The following RASGEF1A variants were observed in gnomAD, a reference collection of about 807,000 sequenced individuals.
The protein encoded by RASGEF1A is ras-GEF domain-containing family member 1A.
In RASGEF1A, 18 loss-of-function variants were observed where a neutral mutation model predicts 56.4. The ratio of observed to expected loss-of-function variants is 0.32; its 90% CI spans 0.22 to 0.47. The LOEUF (loss-of-function observed/expected upper bound fraction) is 0.47, where lower values mean the gene tolerates loss of function less well. Among genes scored for constraint, RASGEF1A ranks in the 20% least tolerant of loss-of-function variants. The probability of loss-of-function intolerance (pLI) is 1.00; values close to 1 mark genes in which losing one functional copy is unlikely to be tolerated. For missense variants in RASGEF1A, 422 were observed against 627.1 expected, an observed-to-expected ratio of 0.67 and a Z score of 3.49; for synonymous variants, 245 against 242.6, an observed-to-expected ratio of 1.01 and a Z score of -0.09.
intron 7 of RASGEF1A, 25 bp from the exon 8 acceptor site, chr10:43,199,219 C>A: frequency 1.3e-6 from 2 of 1,561,486 alleles, no homozygotes; most frequent in Non-Finnish European, 1.7e-6. Flanking sequence ...GTGACCTCAG[C>A]ATGGCGCTGC....
chr10:43,206,862 G>T (rs2133190581), intron 1 of RASGEF1A: 4 of 985,956 alleles, frequency 4.1e-6, no homozygotes, highest in Non-Finnish European at 4.8e-6. Context: ...CTGGCTTTGG[G>T]GCCTGTGAGT....
chr10:43,201,860 T>G lies in RASGEF1A; in HGVS notation c.407A>C (p.Lys136Thr), dbSNP rs1164826990. 1.2e-6 allele frequency: 2 copies of G among 1,611,916 alleles called. No individual in the cohort carries two copies. The highest frequency in any genetic ancestry group is 1.3e-5 in the African/African-American group (1 of 75,016). The part of the protein sequence containing the change: ...EAFPYDFQDE[K>T]AMAELKAITH... ...GATGGCTTTCAGCTCGGCCATGGCC[T>G]TCTCATCCTGGAAGTCATAGGGGAA... The change falls in exon 4 of 13, where the codon AAG (lysine) becomes ACG (threonine). Residue 136 changes from lysine to threonine, a missense_variant. By Grantham distance (78) the Lys-to-Thr change is moderately conservative. Transcript: ENST00000395810.
At chr10:43,227,668 T>A (rs1279266075) in intron 1 of RASGEF1A, among the ~76,000 whole-genome samples, 1 of 152,054 alleles carries the variant, frequency 6.6e-6, no homozygotes, top group Non-Finnish European at 1.5e-5. Context: ...CAAGCCAGGC[T>A]CTGCATGAGC....
intron 1 of RASGEF1A, among the ~76,000 whole-genome samples, chr10:43,257,944 G>A (rs1043680757): frequency 3.3e-5 from 5 of 152,206 alleles, no homozygotes; most frequent in East Asian, 3.9e-4. Flanking sequence ...CAGACAGGGC[G>A]AGGCAGGGGA....
chr10:43,249,773 C>T (rs965864788), intron 1 of RASGEF1A, among the ~76,000 whole-genome samples: 23 of 152,216 alleles, frequency 1.5e-4, no homozygotes, highest in Admixed American at 1.3e-3. Flanking sequence ...GGAGGTGGGC[C>T]CCAGAGTGTC....
chr10:43,245,201 G>A (rs909722309), intron 1 of RASGEF1A, among the ~76,000 whole-genome samples: 3 of 152,018 alleles, frequency 2.0e-5, no homozygotes, highest in African/African-American at 7.3e-5. Flanking sequence ...TAAACTAGAT[G>A]AAATGGGAAA....
intron 1 of RASGEF1A, among the ~76,000 whole-genome samples, chr10:43,259,591 G>A (rs934179914): frequency 1.3e-5 from 2 of 152,184 alleles, no homozygotes; most frequent in Non-Finnish European, 2.9e-5. Context: ...TTCCCACACA[G>A]ATGTCTCCTG....
intron 1 of RASGEF1A, among the ~76,000 whole-genome samples, chr10:43,213,123 G>A (rs1840090651): frequency 2.0e-5 from 3 of 152,144 alleles, no homozygotes; most frequent in African/African-American, 7.2e-5. Flanking sequence ...TGGGCAACCG[G>A]TACAGACTCA....
At chr10:43,203,673 C>T in intron 2 of RASGEF1A, 1 of 1,202,632 alleles carries the variant, frequency 8.3e-7, no homozygotes. Flanking sequence ...AGCAGTCTTC[C>T]TCCGCTGGGA....
intron 1 of RASGEF1A, among the ~76,000 whole-genome samples, chr10:43,217,963 G>C (rs77601783): frequency 0.057 from 8,646 of 152,226 alleles, 642 homozygotes; most frequent in African/African-American, 0.17. Flanking sequence ...TGGGCAGGGG[G>C]CAGCTGCAGG....
At chr10:43,262,488 C>T (rs1174648308) in intron 1 of RASGEF1A, among the ~76,000 whole-genome samples, 4 of 152,170 alleles carry the variant, frequency 2.6e-5, no homozygotes, top group Non-Finnish European at 2.9e-5. Context: ...CTCTCCCTGG[C>T]GTGGGTGCAG....
intron 1 of RASGEF1A, among the ~76,000 whole-genome samples, chr10:43,238,195 A>C (rs189880146): frequency 9.9e-5 from 15 of 151,604 alleles, no homozygotes; most frequent in African/African-American, 3.6e-4. Flanking sequence ...ATGTCGACTT[A>C]AAGGGGTCTT....
intron 1 of RASGEF1A, among the ~76,000 whole-genome samples, chr10:43,252,452 G>A (rs1018984553): frequency 5.3e-5 from 8 of 152,108 alleles, no homozygotes; most frequent in African/African-American, 1.2e-4. Context: ...GGGACAGGCC[G>A]GGGCTCGGCA....
At chr10:43,255,032 G>A (rs1445227194) in intron 1 of RASGEF1A, among the ~76,000 whole-genome samples, 1 of 152,156 alleles carries the variant, frequency 6.6e-6, no homozygotes, top group Non-Finnish European at 1.5e-5. Flanking sequence ...ATCTGGAGAG[G>A]AAACCGGGAA....
chr10:43,241,246 T>C (rs1428447987), intron 1 of RASGEF1A, among the ~76,000 whole-genome samples: 1 of 152,226 alleles, frequency 6.6e-6, no homozygotes, highest in African/African-American at 2.4e-5. Flanking sequence ...TTTCTCCTAT[T>C]TGAATTAAAA....
At chr10:43,245,344 G>A (rs1359521779) in intron 1 of RASGEF1A, among the ~76,000 whole-genome samples, 1 of 152,124 alleles carries the variant, frequency 6.6e-6, no homozygotes, top group East Asian at 1.9e-4. Context: ...GGTGAATTCT[G>A]CCAAACACTT....
chr10:43,248,540 G>A (rs1840592297), intron 1 of RASGEF1A, among the ~76,000 whole-genome samples: 1 of 152,110 alleles, frequency 6.6e-6, no homozygotes. Context: ...CCACTACCAG[G>A]ACAGCACTCG....
At chr10:43,229,708 C>T (rs1840335796) in intron 1 of RASGEF1A, 8 of 1,420,330 alleles carry the variant, frequency 5.6e-6, no homozygotes, top group Admixed American at 2.9e-5. Context: ...CAGCGAGCGG[C>T]GGCTCCTCTG....
At chr10:43,259,143 G>A (rs569857874) in intron 1 of RASGEF1A, among the ~76,000 whole-genome samples, 3 of 152,314 alleles carry the variant, frequency 2.0e-5, no homozygotes, top group African/African-American at 4.8e-5. Flanking sequence ...GGAGCACAGA[G>A]AAGAACCCAC....
Sources: allele counts gnomAD v4.1 joint callset (sites outside exome capture counted in the v4.1 genomes callset), GRCh38; gene constraint gnomAD v4.1.1; transcripts MANE v1.5; gene names NCBI Gene and HGNC (gene_info 2026-07-23, HGNC 2026-07-21).